Variants in RASEF observed in about 807,000 individuals in gnomAD.
RASEF encodes the protein ras and EF-hand domain-containing protein.
In RASEF, 68 loss-of-function variants were observed where a neutral mutation model predicts 90.1. The ratio of observed to expected loss-of-function variants is 0.75; its 90% CI spans 0.62 to 0.92. The LOEUF is 0.92. Ranked by LOEUF, RASEF falls within the 40% of genes least tolerant of loss-of-function variation. RASEF has a pLI of 0.00. For missense variants in RASEF, 949 were observed against 937.2 expected (o/e 1.01, Z -0.16); for synonymous variants, 331 against 345.2 (o/e 0.96, Z 0.46).
At chr9:83,173,930 G>T in the RASEF span, among the ~76,000 whole-genome samples, 209 of 151,840 alleles carry the variant, frequency 1.4e-3, 1 homozygote, top group African/African-American at 4.8e-3. Context: ...GTAGATAGTT[G>T]TTCAATTTGA....
the RASEF span, among the ~76,000 whole-genome samples, chr9:83,213,092 T>TA: frequency 6.9e-4 from 96 of 138,584 alleles, 2 homozygotes; most frequent in Admixed American, 8.5e-4. Flanking sequence ...TGCACACGTT[T>TA]TAAAAAAAAA....
At chr9:83,000,648 T>C (rs371234446) in intron 10 of RASEF, 78 bp from the exon 11 acceptor site, 21 of 1,336,808 alleles carry the variant, frequency 1.6e-5, no homozygotes, top group East Asian at 1.4e-4. Context: ...GTATACATTA[T>C]GGATTAAAAA....
chr9:83,046,328 A>G (rs780495477), intron 1 of RASEF, among the ~76,000 whole-genome samples: 2 of 152,132 alleles, frequency 1.3e-5, no homozygotes, highest in Non-Finnish European at 2.9e-5. Flanking sequence ...ATTACTGCTT[A>G]TTTGAGTATT....
the RASEF span, among the ~76,000 whole-genome samples, chr9:83,104,558 A>G: frequency 6.6e-6 from 1 of 152,148 alleles, no homozygotes; most frequent in African/African-American, 2.4e-5. Flanking sequence ...AGGACAGGAG[A>G]TGAATCTACA....
At chr9:83,102,217 T>C in the RASEF span, among the ~76,000 whole-genome samples, 1 of 152,126 alleles carries the variant, frequency 6.6e-6, no homozygotes, top group Admixed American at 6.5e-5. Flanking sequence ...TCTGGGATTA[T>C]AGGCGCCCGC....
chr9:83,049,285 T>C, intron 1 of RASEF: 1 of 984,692 alleles, frequency 1.0e-6, no homozygotes, highest in South Asian at 4.7e-5. Context: ...ACAAAATCAA[T>C]GACATCAGAA....
the RASEF span, among the ~76,000 whole-genome samples, chr9:83,143,830 C>G: frequency 2.0e-5 from 3 of 152,146 alleles, no homozygotes; most frequent in Non-Finnish European, 2.9e-5. Context: ...GAAAGTAGAT[C>G]ATTATACTGA....
At chr9:83,121,132 G>T in the RASEF span, among the ~76,000 whole-genome samples, 1 of 152,148 alleles carries the variant, frequency 6.6e-6, no homozygotes, top group African/African-American at 2.4e-5. Context: ...ATTAAATCTT[G>T]TATGAAAACT....
intron 1 of RASEF, chr9:83,055,428 G>A (rs1050402499): frequency 6.8e-4 from 414 of 611,412 alleles, no homozygotes; most frequent in Non-Finnish European, 1.1e-3. Context: ...GCACACACTG[G>A]CCTGCGCCCA....
chr9:83,215,226 A>G, the RASEF span, among the ~76,000 whole-genome samples: 2 of 152,032 alleles, frequency 1.3e-5, no homozygotes, highest in African/African-American at 4.8e-5. Context: ...CCACCACTCA[A>G]TAAAACTTCA....
At chr9:83,044,208 G>T (rs1275296289) in intron 1 of RASEF, among the ~76,000 whole-genome samples, 6 of 152,198 alleles carry the variant, frequency 3.9e-5, no homozygotes, top group African/African-American at 1.4e-4. Context: ...AGCATCTGCA[G>T]AAAGGAGGGA....
chr9:83,069,433 A>G, the RASEF span, among the ~76,000 whole-genome samples: 1 of 152,196 alleles, frequency 6.6e-6, no homozygotes, highest in Admixed American at 6.5e-5. Context: ...ATTGTACACT[A>G]TGCACTCTTC....
chr9:83,019,713 T>A (rs1829408735), intron 3 of RASEF, among the ~76,000 whole-genome samples: 2 of 152,192 alleles, frequency 1.3e-5, no homozygotes, highest in Non-Finnish European at 2.9e-5. Flanking sequence ...AACACTGTGG[T>A]ACCCCTACGT....
intron 1 of RASEF, among the ~76,000 whole-genome samples, chr9:83,039,778 A>T (rs1270971042): frequency 1.3e-5 from 2 of 152,126 alleles, no homozygotes; most frequent in Non-Finnish European, 2.9e-5. Context: ...TATTTACCAT[A>T]TAACAGATGC....
At chr9:83,158,813 T>C in the RASEF span, among the ~76,000 whole-genome samples, 2 of 150,622 alleles carry the variant, frequency 1.3e-5, no homozygotes, top group Admixed American at 1.3e-4. Context: ...AATATATATA[T>C]ACACACACAC....
the RASEF span, among the ~76,000 whole-genome samples, chr9:83,080,342 C>T: frequency 2.6e-5 from 4 of 152,192 alleles, no homozygotes; most frequent in Admixed American, 2.0e-4. Flanking sequence ...TAAGAGAGTT[C>T]CATACAGATA....
chr9:83,218,725 A>G, the RASEF span, among the ~76,000 whole-genome samples: 2 of 152,222 alleles, frequency 1.3e-5, no homozygotes, highest in African/African-American at 4.8e-5. Context: ...CCGCCCTTGC[A>G]TTCCCACCAG....
chr9:83,023,346 C>T (rs1829477486), intron 2 of RASEF, among the ~76,000 whole-genome samples: 1 of 152,142 alleles, frequency 6.6e-6, no homozygotes, highest in Non-Finnish European at 1.5e-5. Context: ...GCATCTAAAC[C>T]ATGAGCTTTA....
chr9:83,025,457 GT>G (rs1366562961), intron 2 of RASEF, among the ~76,000 whole-genome samples: 1 of 152,206 alleles, frequency 6.6e-6, no homozygotes, highest in Non-Finnish European at 1.5e-5. Flanking sequence ...GCTTCAAATA[GT>G]GTTCCATCTA....
Sources: gnomAD v4.1 joint callset for allele counts (sites outside exome capture counted in the v4.1 genomes callset) on GRCh38, gnomAD v4.1.1 for gene constraint, MANE v1.5 for transcripts, NCBI Gene and HGNC (gene_info 2026-07-23, HGNC 2026-07-21) for gene names.